PPIL4: variants seen among roughly 807,000 people sequenced by gnomAD.
PPIL4 encodes the protein peptidylprolyl isomerase like 4.
A neutral mutation model predicts 69.1 loss-of-function variants in PPIL4; 50 were observed. The observed-to-expected ratio is 0.72, with a 90% CI of 0.58 to 0.92. The LOEUF (loss-of-function observed/expected upper bound fraction) is 0.92. Ranked by LOEUF, PPIL4 falls within the 40% of genes least tolerant of loss-of-function variation. PPIL4 has a pLI of 0.00. For missense variants in PPIL4, 480 were observed against 587.9 expected, an observed-to-expected ratio of 0.82 and a Z score of 1.90; for synonymous variants, 193 against 191.6, an observed-to-expected ratio of 1.01 and a Z score of -0.06.
chr6:149,540,103 T>C (rs1777337976), intron 4 of PPIL4, among the ~76,000 whole-genome samples: 1 of 151,952 alleles, frequency 6.6e-6, no homozygotes, highest in Non-Finnish European at 1.5e-5. Flanking sequence ...CACTCCAGCC[T>C]GGCTGACAGA....
At chr6:149,517,198 G>A (rs1323643010) in intron 11 of PPIL4, 156 bp downstream of exon 11, 3 of 588,380 alleles carry the variant, frequency 5.1e-6, no homozygotes, top group East Asian at 3.1e-5. Context: ...ATCTTGAAAA[G>A]AGATAATGAT....
At chr6:149,534,282 A>C (rs1385080570) in intron 6 of PPIL4, among the ~76,000 whole-genome samples, 1 of 152,258 alleles carries the variant, frequency 6.6e-6, no homozygotes, top group Non-Finnish European at 1.5e-5. Flanking sequence ...TCAGGAAGCC[A>C]CATAAACCTT....
Position 149,525,216 on chromosome 6 carries a change from G to C in PPIL4, c.804-7C>G, listed in dbSNP as rs752755490. The C allele has an allele frequency of 7.1e-7, 1 of 1,407,860 alleles. No individual in the cohort carries two copies. Among genetic ancestry groups the C allele is most frequent in the Non-Finnish European group, 9.7e-7 (1 of 1,029,548 alleles). 87.2% of individuals were successfully genotyped at this position (1,407,860 alleles called of 1,614,324 possible). ...GTCTCGGATAACTTCACAACTGAAA[G>C]AAAGTATTTAAAAGTGACTTAAAAA... On this transcript the variant is annotated splice_polypyrimidine_tract_variant and splice_region_variant and intron_variant, in intron 8 of 12. Transcript: ENST00000253329.
intron 1 of PPIL4, among the ~76,000 whole-genome samples, chr6:149,543,312 GC>G (rs1777391362): frequency 1.3e-5 from 2 of 152,040 alleles, no homozygotes; most frequent in South Asian, 4.1e-4. Flanking sequence ...ATATGTTAAC[GC>G]ACCCAGTAAA....
intron 4 of PPIL4, among the ~76,000 whole-genome samples, chr6:149,540,514 C>T (rs1317814033): frequency 2.0e-5 from 3 of 152,126 alleles, no homozygotes; most frequent in Admixed American, 2.0e-4. Flanking sequence ...ATTCGGAAGG[C>T]CGAGGCAGGA....
In PPIL4 at chr6:149,524,971, T is replaced by A. The variant is rs146224041; in HGVS notation, c.870+172A>T. 3.3e-5 allele frequency among the ~76,000 whole-genome samples: 5 copies of A among 152,288 alleles called. No individual in the cohort carries two copies. In the East Asian group the frequency reaches 9.6e-4, roughly 29 times the overall value. On this transcript the variant is annotated intron_variant, in intron 9 of 12. Transcript: ENST00000253329. Reference sequence around the variant, plus strand: ...GAACCTAAAGTAAAAGTACGTATGTTAACATCAACAGATGTTGAACTTATC... The same window carrying A: ...GAACCTAAAGTAAAAGTACGTATGTAAACATCAACAGATGTTGAACTTATC...
chr6:149,516,449 T>G (rs1776945446), intron 11 of PPIL4, among the ~76,000 whole-genome samples: 1 of 151,986 alleles, frequency 6.6e-6, no homozygotes, highest in Non-Finnish European at 1.5e-5. Flanking sequence ...TCTTGATGAG[T>G]ACTTGGAAAA....
chr6:149,511,335 A>G (rs886505578), intron 12 of PPIL4, among the ~76,000 whole-genome samples: 1 of 152,072 alleles, frequency 6.6e-6, no homozygotes, highest in African/African-American at 2.4e-5. Context: ...CCTGGGCTCA[A>G]GCGATCCTCT....
chr6:149,535,724 T>G lies in PPIL4; in HGVS notation c.336A>C (p.Thr112=). 1 of 1,603,718 alleles carries G rather than the reference T, an allele frequency of 6.2e-7. No individual in the cohort carries two copies. The highest frequency in any genetic ancestry group is 8.5e-7 in the Non-Finnish European group (1 of 1,173,690). The part of the protein sequence containing the change: ...DQHGSQFLIT[T]GENLDYLDGV... ...CATCAAGATAATCTAGATTTTCTCC[T>G]GTGGTGATAAGAAACTATAAAGAAG... Residue 112 remains threonine, a synonymous_variant, in exon 5 of 13, where the codon ACA becomes ACC. Transcript: ENST00000253329.
chr6:149,514,602 A>G (rs1374996764), intron 11 of PPIL4, among the ~76,000 whole-genome samples: 2 of 152,154 alleles, frequency 1.3e-5, no homozygotes, highest in African/African-American at 2.4e-5. Flanking sequence ...GATTACAGGC[A>G]TGAGCCACTG....
At chr6:149,522,479 G>A (rs918428557) in intron 9 of PPIL4, among the ~76,000 whole-genome samples, 4 of 152,108 alleles carry the variant, frequency 2.6e-5, no homozygotes, top group Admixed American at 6.5e-5. Context: ...ACAGTATAGC[G>A]TCTAGAAACA....
intron 4 of PPIL4, among the ~76,000 whole-genome samples, chr6:149,540,434 G>A (rs187507262): frequency 1.3e-4 from 20 of 152,314 alleles, no homozygotes; most frequent in East Asian, 1.2e-3. Context: ...GGCCAACATG[G>A]TGAAACCCCG....
chr6:149,508,426 A>AAAAAG (rs1367236171), intron 12 of PPIL4, among the ~76,000 whole-genome samples: 1 of 152,192 alleles, frequency 6.6e-6, no homozygotes, highest in Non-Finnish European at 1.5e-5. Flanking sequence ...CATGTGGCAA[A>AAAAAG]AAAAGAAAAG....
Position 149,535,688 on chromosome 6 carries a change from C to T in PPIL4, c.372G>A (p.Thr124=), listed in dbSNP as rs557376697. Residue 124 remains threonine (T), a synonymous_variant, in exon 5 of 13, where the codon ACG becomes ACA. Coordinates refer to ENST00000253329, the MANE Select transcript of PPIL4 (RefSeq NM_139126.4). ...TGCCTTCTGTCACCTCACCAAACAC[C>T]GTATGGACACCATCAAGATAATCTA... The part of the protein sequence containing the change: ...ENLDYLDGVH[T]VFGEVTEGMD... 22 of 1,610,252 alleles carry T rather than the reference C, an allele frequency of 1.4e-5. No individual in the cohort carries two copies. The highest frequency in any genetic ancestry group is 1.7e-4 in the Middle Eastern group (1 of 6,050).
intron 11 of PPIL4, among the ~76,000 whole-genome samples, chr6:149,513,100 T>C (rs931036124): frequency 1.4e-5 from 2 of 141,370 alleles, no homozygotes; most frequent in Non-Finnish European, 3.1e-5. Context: ...AAAATATACA[T>C]AAAAGCCAGG....
chr6:149,523,490 A>G (rs1777061582), intron 9 of PPIL4, among the ~76,000 whole-genome samples: 1 of 152,198 alleles, frequency 6.6e-6, no homozygotes, highest in African/African-American at 2.4e-5. Context: ...CAAGAGTTCA[A>G]GACCAGCCTG....
chr6:149,517,364 GCTTTA>G lies in PPIL4; in HGVS notation c.1064_1068del (p.Val355AlafsTer13). ...TCTTGGTAAGGATACTCCTGTTTGG[GCTTTA>G]CTTTATCTTTCAGAACCAAATTAGG... On this transcript the variant is annotated frameshift_variant, in exon 11 of 13. Coordinates refer to ENST00000253329, the MANE Select transcript of PPIL4 (RefSeq NM_139126.4). LOFTEE classifies it high-confidence loss of function. 1 of 1,573,948 alleles carries G rather than the reference GCTTTA, an allele frequency of 6.4e-7. No individual in the cohort carries two copies. Among genetic ancestry groups the G allele is most frequent in the Non-Finnish European group, 8.7e-7 (1 of 1,144,788 alleles).
intron 10 of PPIL4, 179 bp from the exon 11 acceptor site, chr6:149,517,629 A>G: frequency 2.1e-6 from 1 of 474,688 alleles, no homozygotes; most frequent in Non-Finnish European, 3.7e-6. Flanking sequence ...TCAGACATCC[A>G]TTTTTGCTAG....
At chr6:149,531,176 C>A (rs1777190502) in intron 7 of PPIL4, among the ~76,000 whole-genome samples, 1 of 151,938 alleles carries the variant, frequency 6.6e-6, no homozygotes, top group Admixed American at 6.6e-5. Context: ...CCAGCCTGGG[C>A]AACACAGTGA....
Sources: gnomAD v4.1 joint callset for allele counts (sites outside exome capture counted in the v4.1 genomes callset) on GRCh38, gnomAD v4.1.1 for gene constraint, MANE v1.5 for transcripts, NCBI Gene and HGNC (gene_info 2026-07-23, HGNC 2026-07-21) for gene names.